ZC3H15: variants seen among roughly 807,000 people sequenced by gnomAD.
The protein encoded by ZC3H15 is zinc finger CCCH-type containing 15.
ZC3H15 carries 15 observed loss-of-function variants against 51.2 expected under a neutral mutation model. That is an observed-to-expected ratio of 0.29 (90% confidence interval 0.20 to 0.45). The LOEUF is 0.45. Ranked by LOEUF, ZC3H15 falls within the 20% of genes least tolerant of loss-of-function variation. The pLI is 1.00. For missense variants in ZC3H15, 381 were observed against 494.7 expected, an observed-to-expected ratio of 0.77 and a Z score of 2.18; for synonymous variants, 144 against 162.8, an observed-to-expected ratio of 0.88 and a Z score of 0.88.
intron 2 of ZC3H15, among the ~76,000 whole-genome samples, chr2:186,495,843 T>TA (rs1685272913): frequency 6.6e-6 from 1 of 152,264 alleles, no homozygotes; most frequent in African/African-American, 2.4e-5. Context: ...TTTAATGTGT[T>TA]ACAATCTGAT....
intron 1 of ZC3H15, among the ~76,000 whole-genome samples, chr2:186,490,989 T>A (rs917706690): frequency 9.2e-5 from 14 of 152,198 alleles, no homozygotes; most frequent in African/African-American, 3.4e-4. Context: ...GACTGTAACC[T>A]CCTTTTTTTC....
At chr2:186,508,412 T>A (rs1297513072) in intron 9 of ZC3H15, 131 bp from the exon 10 acceptor site, 5 of 748,714 alleles carry the variant, frequency 6.7e-6, no homozygotes, top group Admixed American at 5.7e-5. Context: ...CTTGCTGGAG[T>A]AATTCTGGGG....
chr2:186,488,386 T>G (rs779744223), intron 1 of ZC3H15, among the ~76,000 whole-genome samples: 1 of 152,184 alleles, frequency 6.6e-6, no homozygotes, highest in Non-Finnish European at 1.5e-5. Flanking sequence ...ATAGATTAGT[T>G]TTTACCACTC....
At position 186,486,518 on chromosome 2, in the gene ZC3H15, C is replaced by T. The variant is rs1685096882; in HGVS notation, c.75+61C>T. ...CCCTCCGGAAAGCCACTTCCCCGCT[C>T]CGGGCTTCCCTGGGAGCCGGCTCGC... On this transcript the variant is annotated intron_variant, in intron 1 of 9. Transcript: ENST00000337859. 25 of 1,491,562 alleles carry T rather than the reference C, an allele frequency of 1.7e-5. No homozygotes were observed. The South Asian group carries it at 3.2e-4, about 19-fold the overall frequency. The allele number at this position is 1,491,562 out of a possible 1,614,324, so 92.4% of individuals were successfully genotyped here.
At chr2:186,507,426 A>C (rs1031519204) in intron 9 of ZC3H15, 9 of 456,578 alleles carry the variant, frequency 2.0e-5, no homozygotes, top group Non-Finnish European at 4.0e-5. Context: ...AGGGCTTTTT[A>C]GGATATGGAA....
intron 1 of ZC3H15, among the ~76,000 whole-genome samples, chr2:186,494,939 A>T (rs1685258173): frequency 6.6e-6 from 1 of 152,140 alleles, no homozygotes; most frequent in African/African-American, 2.4e-5. Flanking sequence ...CACGTTGTAC[A>T]CATGTACCCT....
At chr2:186,493,373 G>A (rs1421260908) in intron 1 of ZC3H15, among the ~76,000 whole-genome samples, 2 of 152,086 alleles carry the variant, frequency 1.3e-5, no homozygotes, top group African/African-American at 4.8e-5. Flanking sequence ...TAGTAAGTCT[G>A]TACAGTAAAC....
intron 8 of ZC3H15, 39 bp from the exon 9 acceptor site, chr2:186,506,671 GTTC>G (rs781675396): frequency 6.4e-7 from 1 of 1,574,682 alleles, no homozygotes; most frequent in Non-Finnish European, 8.6e-7. Context: ...AAAGAAAACT[GTTC>G]TTATTTGTAA....
At chr2:186,497,046 G>T in intron 2 of ZC3H15, 1 of 360,026 alleles carries the variant, frequency 2.8e-6, no homozygotes, top group Admixed American at 4.4e-5. Flanking sequence ...CAACTCATTT[G>T]AAAAAAATGT....
chr2:186,497,935 C>A (rs1685309323), intron 2 of ZC3H15, among the ~76,000 whole-genome samples: 1 of 152,240 alleles, frequency 6.6e-6, no homozygotes, highest in South Asian at 2.1e-4. Context: ...CAGGGGGTAT[C>A]CTGGTCTAGG....
chr2:186,504,215 G>A lies in ZC3H15; in HGVS notation c.717+1G>A. On this transcript the variant is annotated splice_donor_variant, in intron 6 of 9. Coordinates refer to ENST00000337859, the MANE Select transcript of ZC3H15 (RefSeq NM_018471.3). LOFTEE classifies it high-confidence loss of function. ...ATTAGAAGATCTAATTGAGAGAGAG[G>A]TAACTGGTATCCTTTTCCTACCATA... The A allele has an allele frequency of 1.4e-6, 2 of 1,406,318 alleles. No individual in the cohort carries two copies. The highest frequency in any genetic ancestry group is 1.4e-5 in the South Asian group (1 of 73,104). 87.1% of individuals were successfully genotyped at this position (1,406,318 alleles called of 1,614,324 possible).
intron 6 of ZC3H15, 102 bp from the exon 7 acceptor site, chr2:186,505,349 G>T: frequency 3.0e-6 from 4 of 1,352,072 alleles, no homozygotes; most frequent in Non-Finnish European, 3.9e-6. Context: ...ATATCTTCAG[G>T]ATAGTCATGG....
chr2:186,491,163 C>T (rs557894899), intron 1 of ZC3H15, among the ~76,000 whole-genome samples: 8 of 152,176 alleles, frequency 5.3e-5, no homozygotes, highest in Admixed American at 1.3e-4. Flanking sequence ...CACCAACCAG[C>T]CCAATAACTT....
intron 1 of ZC3H15, among the ~76,000 whole-genome samples, chr2:186,490,019 G>A (rs960694465): frequency 3.3e-5 from 5 of 152,052 alleles, no homozygotes; most frequent in Admixed American, 3.3e-4. Context: ...TAAAAACTAG[G>A]GGACATCAGA....
At position 186,506,789 on chromosome 2, in the gene ZC3H15, C is replaced by G. The variant is rs1222827864; in HGVS notation, c.1043C>G (p.Thr348Ser). 6.2e-7 allele frequency: 1 copy of G among 1,613,748 alleles called. No individual in the cohort carries two copies. The highest frequency in any genetic ancestry group is 1.1e-5 in the South Asian group (1 of 91,068). The change falls in exon 9 of 10, where the codon ACT (threonine) becomes AGT (serine). Residue 348 changes from threonine to serine, a missense_variant. Physicochemically the swap from Thr to Ser is moderately conservative, Grantham distance 58 (BLOSUM62 1). This residue lies in a region of ZC3H15 where 215 missense variants were observed against 241.8 expected (regional missense o/e 0.89). Coordinates refer to ENST00000337859, the MANE Select transcript of ZC3H15 (RefSeq NM_018471.3). ...AGAGATGTAGATGAAACAGGTATTA[C>G]TGTAGCCAGTCTTGAAAGATTCAGC... Reference protein sequence around the residue: ...IPRDVDETGITVASLERFSTY... With the variant: ...IPRDVDETGISVASLERFSTY...
chr2:186,494,879 A>G (rs1685257062), intron 1 of ZC3H15, among the ~76,000 whole-genome samples: 2 of 152,140 alleles, frequency 1.3e-5, no homozygotes, highest in Admixed American at 6.6e-5. Flanking sequence ...TGACGAGTTA[A>G]TGGGTGCAGC....
chr2:186,508,908 A>G lies in ZC3H15; in HGVS notation c.*175A>G. On this transcript the variant is annotated 3_prime_UTR_variant, in exon 10 of 10. Coordinates refer to ENST00000337859, the MANE Select transcript of ZC3H15 (RefSeq NM_018471.3). ...TACATCTTCTCTTCTGACTTTGGCT[A>G]CATCTCATAGTAAGTTCAGAGTAGT... 1.5e-6 allele frequency: 1 copy of G among 678,048 alleles called. No individual in the cohort carries two copies. The highest frequency in any genetic ancestry group is 2.6e-6 in the Non-Finnish European group (1 of 391,372). The allele number at this position is 678,048 out of a possible 1,614,324, so 42.0% of individuals were successfully genotyped here.
Position 186,506,936 on chromosome 2 carries a change from G to C in ZC3H15, c.1090+100G>C. ...CTTAGATGTGTGCAGGTACCAGATTGGTAACATAAATGTGTGGTTTGACCA... is the reference window on the plus strand; with the variant it reads ...CTTAGATGTGTGCAGGTACCAGATTCGTAACATAAATGTGTGGTTTGACCA... On this transcript the variant is annotated intron_variant, in intron 9 of 9. Coordinates refer to ENST00000337859, the MANE Select transcript of ZC3H15 (RefSeq NM_018471.3). 5.4e-6 allele frequency: 7 copies of C among 1,289,446 alleles called. No homozygotes were observed. The South Asian group carries it at 9.6e-5, about 18-fold the overall frequency. The allele number at this position is 1,289,446 out of a possible 1,614,324, so 79.9% of individuals were successfully genotyped here.
At chr2:186,506,873 GGAA>G (rs1213596592) in intron 9 of ZC3H15, 37 bp downstream of exon 9, 9 of 1,593,896 alleles carry the variant, frequency 5.6e-6, no homozygotes, top group African/African-American at 5.4e-5. Flanking sequence ...TTAAGAACTA[GGAA>G]GTTATCTAAA....
Sources: allele counts gnomAD v4.1 joint callset (sites outside exome capture counted in the v4.1 genomes callset), GRCh38; gene constraint gnomAD v4.1.1; regional missense constraint gnomAD v4.1.1; transcripts MANE v1.5; gene names NCBI Gene and HGNC (gene_info 2026-07-23, HGNC 2026-07-21).